NAV3: variants seen among roughly 807,000 people sequenced by gnomAD.
NAV3 encodes pore membrane and/or filament interacting like protein 1.
In NAV3, 87 loss-of-function variants were observed where a neutral mutation model predicts 244.7. That is an observed-to-expected ratio of 0.36 (90% CI 0.30 to 0.42). The LOEUF (loss-of-function observed/expected upper bound fraction) is 0.42, where lower values mean the gene tolerates loss of function less well. NAV3 is among the 20% of genes least tolerant of loss of function. The pLI, the probability that NAV3 is intolerant of heterozygous loss-of-function variation, is 1.00. For synonymous variants in NAV3, 1,126 were observed against 1,042.2 expected (o/e 1.08, Z -1.55); for missense variants, 2,663 against 2,893.3 (o/e 0.92, Z 1.83).
intron 6 of NAV3, 69 bp downstream of exon 6, chr12:77,994,940 C>A (rs1677884): frequency 2.5e-6 from 3 of 1,178,754 alleles, no homozygotes; most frequent in South Asian, 1.4e-5. Context: ...ATATTTTGTC[C>A]TATCTTTTTT....
chr12:77,869,863 A>C (rs528777099), intron 1 of NAV3, among the ~76,000 whole-genome samples: 2 of 152,358 alleles, frequency 1.3e-5, no homozygotes, highest in African/African-American at 2.4e-5. Context: ...TGTGTAACAC[A>C]TACAAGGCAT....
intron 1 of NAV3, among the ~76,000 whole-genome samples, chr12:77,909,321 A>T (rs962538379): frequency 6.6e-6 from 1 of 152,048 alleles, no homozygotes; most frequent in African/African-American, 2.4e-5. Context: ...CATCAGTTCA[A>T]TTTGGGGAGA....
intron 2 of NAV3, among the ~76,000 whole-genome samples, chr12:77,773,279 A>G (rs1425401748): frequency 6.6e-6 from 1 of 151,708 alleles, no homozygotes; most frequent in East Asian, 1.9e-4. Flanking sequence ...TAAAAAATGT[A>G]TCGAAATGAT....
At chr12:77,756,810 G>C (rs959695833) in intron 2 of NAV3, among the ~76,000 whole-genome samples, 4 of 152,002 alleles carry the variant, frequency 2.6e-5, no homozygotes, top group African/African-American at 7.2e-5. Flanking sequence ...TTTCAGCTGG[G>C]TTATTTATTG....
At chr12:77,638,284 A>G (rs1415850997) in intron 2 of NAV3, among the ~76,000 whole-genome samples, 1 of 152,238 alleles carries the variant, frequency 6.6e-6, no homozygotes, top group Non-Finnish European at 1.5e-5. Flanking sequence ...TTGAAAACAA[A>G]GGACAAAATA....
chr12:77,972,678 A>C (rs1210784920), intron 5 of NAV3, among the ~76,000 whole-genome samples: 2 of 152,192 alleles, frequency 1.3e-5, no homozygotes, highest in African/African-American at 4.8e-5. Context: ...AATCGTATAT[A>C]AATGTTGGTA....
At chr12:78,002,691 G>T (rs1413926104) in intron 7 of NAV3, among the ~76,000 whole-genome samples, 1 of 151,894 alleles carries the variant, frequency 6.6e-6, no homozygotes, top group Non-Finnish European at 1.5e-5. Context: ...TATTTTACTG[G>T]TGATCTAATT....
chr12:78,178,027 G>T (rs1472727389), intron 28 of NAV3, among the ~76,000 whole-genome samples: 1 of 151,220 alleles, frequency 6.6e-6, no homozygotes, highest in Admixed American at 6.6e-5. Flanking sequence ...TTCTATACAT[G>T]CATACCTACA....
chr12:77,874,057 C>A (rs187348253), intron 1 of NAV3, among the ~76,000 whole-genome samples: 1 of 151,790 alleles, frequency 6.6e-6, no homozygotes, highest in Admixed American at 6.6e-5. Flanking sequence ...CTAGGCTGTG[C>A]ACTCTTTATG....
rs10618242 is a variant in NAV3, at chr12:77,931,912, TTGTG to T, written c.244-8390_244-8387del. On this transcript the variant is annotated intron_variant, in intron 1 of 39. Transcript: ENST00000397909. ...TTGGAAGCTATTTGTGCGTGTGTGT[TTGTG>T]TGTGTGTGTGTGTGTGATGCACATA... Among the ~76,000 whole-genome samples, 662 of 150,464 alleles carry T rather than the reference TTGTG, an allele frequency of 4.4e-3. 5 individuals carry two copies. Among genetic ancestry groups the T allele is most frequent in the African/African-American group, 0.015 (623 of 41,034 alleles).
intron 14 of NAV3, among the ~76,000 whole-genome samples, chr12:78,118,532 C>G (rs555415380): frequency 1.3e-5 from 2 of 152,176 alleles, no homozygotes; most frequent in African/African-American, 4.8e-5. Flanking sequence ...ACTAGGGGTA[C>G]TGGATGCCTT....
chr12:77,800,345 A>G (rs11106732), intron 2 of NAV3, among the ~76,000 whole-genome samples: 40,391 of 152,146 alleles, frequency 0.27, 6,173 homozygotes, highest in East Asian at 0.42. Context: ...TTTTAAACCT[A>G]CAAATCACAC....
At chr12:77,626,696 C>T (rs1871642045) in intron 2 of NAV3, among the ~76,000 whole-genome samples, 1 of 152,058 alleles carries the variant, frequency 6.6e-6, no homozygotes, top group South Asian at 2.1e-4. Context: ...TAATACTATT[C>T]CCAGCAATGC....
intron 5 of NAV3, among the ~76,000 whole-genome samples, chr12:77,985,050 T>C (rs1450132713): frequency 6.6e-6 from 1 of 152,152 alleles, no homozygotes; most frequent in African/African-American, 2.4e-5. Context: ...TCTCCTGACC[T>C]CGTGATCCAG....
intron 35 of NAV3, among the ~76,000 whole-genome samples, chr12:78,197,834 AC>A (rs1959202000): frequency 6.6e-6 from 1 of 151,924 alleles, no homozygotes; most frequent in Non-Finnish European, 1.5e-5. Context: ...ACCAACAACA[AC>A]GTTGGAATAG....
rs2138676950 is a variant in NAV3 at position 78,121,922 on chromosome 12, T to C, written c.3750-18T>C. ...AGCTTCTTGGAACAACTGAAGTTGT[T>C]ATTTGTTTTTCTTTTAGGTTGTTTG... On this transcript the variant is annotated intron_variant, in intron 15 of 39. Coordinates refer to ENST00000397909, the MANE Select transcript of NAV3 (RefSeq NM_001024383.2). The C allele has an allele frequency of 6.2e-7, 1 of 1,610,778 alleles. No homozygotes were observed. The highest frequency in any genetic ancestry group is 8.5e-7 in the Non-Finnish European group (1 of 1,177,526).
chr12:77,896,167 T>C lies in NAV3; in HGVS notation c.244-44152T>C, dbSNP rs147405768. Among the ~76,000 whole-genome samples the C allele has an allele frequency of 7.2e-3, 1,095 of 152,262 alleles. 13 individuals are homozygous for C. Among genetic ancestry groups the C allele is most frequent in the Middle Eastern group, 0.031 (9 of 294 alleles). On this transcript the variant is annotated intron_variant, in intron 1 of 39. Transcript: ENST00000397909. ...GCTACTACCTTATCCTCTGGTTTAA[T>C]TGTCAGGCCACAGAATTAACCTAAA... is the stretch of plus-strand genomic sequence containing the variant.
intron 33 of NAV3, 80 bp downstream of exon 33, chr12:78,188,857 G>A (rs2139860166): frequency 2.9e-6 from 4 of 1,356,460 alleles, no homozygotes; most frequent in Non-Finnish European, 4.0e-6. Context: ...TTTTTGGCCA[G>A]TTTCCCTTAA....
intron 2 of NAV3, among the ~76,000 whole-genome samples, chr12:77,648,057 A>T (rs1872675802): frequency 6.6e-6 from 1 of 152,058 alleles, no homozygotes; most frequent in Admixed American, 6.6e-5. Flanking sequence ...TGGACTCCCT[A>T]TCAATGGCCA....
Sources: allele counts gnomAD v4.1 joint callset (sites outside exome capture counted in the v4.1 genomes callset), GRCh38; gene constraint gnomAD v4.1.1; transcripts MANE v1.5; gene names NCBI Gene and HGNC (gene_info 2026-07-23, HGNC 2026-07-21).